The following ADAMTSL3 variants were observed in gnomAD, a reference collection of about 807,000 sequenced individuals.
ADAMTSL3 encodes the protein ADAMTS like 3, also known as ADAMTS-like protein 3.
In ADAMTSL3, 128 loss-of-function variants were observed where a neutral mutation model predicts 201.7. That is an observed-to-expected ratio of 0.63 (90% CI 0.55 to 0.73). ADAMTSL3 has a LOEUF of 0.73. Among genes scored for constraint, ADAMTSL3 ranks in the 30% least tolerant of loss-of-function variants. The pLI is 0.00. For synonymous variants in ADAMTSL3, 738 were observed against 748.4 expected (o/e 0.99, Z 0.23); for missense variants, 1,990 against 2,119.6 (o/e 0.94, Z 1.20).
At chr15:83,988,664 T>C in intron 21 of ADAMTSL3, 27 bp from the exon 22 acceptor site, 1 of 1,561,186 alleles carries the variant, frequency 6.4e-7, no homozygotes, top group Non-Finnish European at 8.7e-7. Context: ...GTTATATGAA[T>C]GTGTCGTCTT....
At chr15:83,912,643 T>C (rs1161714199) in intron 15 of ADAMTSL3, among the ~76,000 whole-genome samples, 3 of 152,194 alleles carry the variant, frequency 2.0e-5, no homozygotes, top group Non-Finnish European at 4.4e-5. Context: ...ACCCTAAAAT[T>C]TAGCTCCTAA....
chr15:83,900,353 G>A (rs911735042), intron 15 of ADAMTSL3, among the ~76,000 whole-genome samples: 1 of 152,216 alleles, frequency 6.6e-6, no homozygotes, highest in Non-Finnish European at 1.5e-5. Context: ...GATTGTAACA[G>A]TGCCAGTGGA....
chr15:83,766,817 G>A (rs1283934333), intron 3 of ADAMTSL3, among the ~76,000 whole-genome samples: 3 of 152,186 alleles, frequency 2.0e-5, no homozygotes, highest in African/African-American at 4.8e-5. Context: ...GATGATGGCT[G>A]GGCGTAGTGG....
At chr15:83,838,908 C>A (rs537711350) in intron 7 of ADAMTSL3, among the ~76,000 whole-genome samples, 1 of 152,322 alleles carries the variant, frequency 6.6e-6, no homozygotes, top group African/African-American at 2.4e-5. Context: ...GTCTCAACTA[C>A]TCAACACAGC....
intron 3 of ADAMTSL3, among the ~76,000 whole-genome samples, chr15:83,718,163 T>C (rs750954003): frequency 1.3e-5 from 2 of 152,152 alleles, no homozygotes; most frequent in East Asian, 1.9e-4. Flanking sequence ...ATAATAACAA[T>C]GAGCAAATGG....
chr15:83,967,183 A>G (rs2067105247), intron 19 of ADAMTSL3, among the ~76,000 whole-genome samples: 1 of 152,218 alleles, frequency 6.6e-6, no homozygotes, highest in African/African-American at 2.4e-5. Flanking sequence ...GGCCAGGGCA[A>G]CCAGGCAAGA....
intron 23 of ADAMTSL3, among the ~76,000 whole-genome samples, chr15:84,004,224 G>A (rs950460059): frequency 4.0e-5 from 6 of 151,898 alleles, no homozygotes; most frequent in African/African-American, 1.5e-4. Flanking sequence ...TTATTATTTT[G>A]GTTAATGTCA....
At position 83,782,848 on chromosome 15, in the gene ADAMTSL3, C is replaced by T. The variant is rs367711116; in HGVS notation, c.317+9198C>T. ...GGGAAAAGTTTACCTATATAACAAGCCTGCACATGTACCTCTGAACTTAAA... is the reference window on the plus strand; with the variant it reads ...GGGAAAAGTTTACCTATATAACAAGTCTGCACATGTACCTCTGAACTTAAA... On this transcript the variant is annotated intron_variant, in intron 4 of 29. Coordinates refer to ENST00000286744, the MANE Select transcript of ADAMTSL3 (RefSeq NM_207517.3). Among the ~76,000 whole-genome samples, 181 of 151,182 alleles carry T rather than the reference C, an allele frequency of 1.2e-3. 2 individuals are homozygous for T. Among genetic ancestry groups the T allele is most frequent in the African/African-American group, 4.1e-3 (170 of 41,200 alleles).
chr15:83,683,464 C>T (rs2061499572), intron 2 of ADAMTSL3, among the ~76,000 whole-genome samples: 1 of 152,206 alleles, frequency 6.6e-6, no homozygotes, highest in Non-Finnish European at 1.5e-5. Flanking sequence ...ATTATTTCTA[C>T]ACATGTCTTT....
intron 27 of ADAMTSL3, among the ~76,000 whole-genome samples, chr15:84,026,671 G>T (rs994690054): frequency 2.0e-5 from 3 of 152,076 alleles, no homozygotes; most frequent in Non-Finnish European, 4.4e-5. Context: ...TTTTGTATAA[G>T]GTTGAGAAAC....
At chr15:83,886,058 T>G (rs1026110948) in intron 10 of ADAMTSL3, among the ~76,000 whole-genome samples, 1 of 152,084 alleles carries the variant, frequency 6.6e-6, no homozygotes, top group Non-Finnish European at 1.5e-5. Context: ...TGAGGAAGGT[T>G]TGGGGACAAG....
Position 83,942,919 on chromosome 15 carries a change from G to A in ADAMTSL3, c.2327G>A (p.Gly776Asp). The A allele has an allele frequency of 6.3e-7, 1 of 1,599,822 alleles. No homozygotes were observed. The highest frequency in any genetic ancestry group is 1.1e-5 in the South Asian group (1 of 87,668). The change falls in exon 19 of 30, where the codon GGC becomes GAC. Residue 776 changes from glycine to aspartate, a missense_variant. Physicochemically the swap from Gly to Asp is moderately conservative, Grantham distance 94. Coordinates refer to ENST00000286744, the MANE Select transcript of ADAMTSL3 (RefSeq NM_207517.3). ...EEWQQCSRTC[G>D]GGTQNRRVTC... ...TCTTCTTAGTGTTCCAGGACTTGTG[G>A]CGGGGGAACTCAGAACAGAAGAGTC...
intron 7 of ADAMTSL3, among the ~76,000 whole-genome samples, chr15:83,841,591 A>C (rs2064374891): frequency 6.6e-6 from 1 of 152,170 alleles, no homozygotes; most frequent in Non-Finnish European, 1.5e-5. Context: ...GTACTCAGTA[A>C]ATGCTAGCTG....
intron 15 of ADAMTSL3, among the ~76,000 whole-genome samples, chr15:83,911,691 A>AT (rs891387524): frequency 6.6e-6 from 1 of 152,200 alleles, no homozygotes; most frequent in Non-Finnish European, 1.5e-5. Flanking sequence ...TAGTAATGGC[A>AT]TTTCATTCTG....
intron 11 of ADAMTSL3, 132 bp downstream of exon 11, chr15:83,890,379 C>A: frequency 8.7e-7 from 1 of 1,143,718 alleles, no homozygotes; most frequent in Non-Finnish European, 1.2e-6. Flanking sequence ...TGCCTACATT[C>A]ACATTTGTAA....
intron 3 of ADAMTSL3, among the ~76,000 whole-genome samples, chr15:83,760,775 G>A (rs1431201765): frequency 1.3e-5 from 2 of 152,034 alleles, no homozygotes; most frequent in Non-Finnish European, 2.9e-5. Flanking sequence ...TAATTAGTGT[G>A]ACTAAGCCAG....
chr15:83,885,972 C>T (rs547341434), intron 10 of ADAMTSL3, among the ~76,000 whole-genome samples: 135 of 152,262 alleles, frequency 8.9e-4, no homozygotes, highest in African/African-American at 3.0e-3. Context: ...GATCTACCTA[C>T]CTTGGTCTCC....
chr15:83,942,360 T>G (rs2066576726), intron 17 of ADAMTSL3, among the ~76,000 whole-genome samples: 1 of 152,234 alleles, frequency 6.6e-6, no homozygotes. Flanking sequence ...TGCTTTTTAC[T>G]CTGGACTTTC....
intron 13 of ADAMTSL3, among the ~76,000 whole-genome samples, chr15:83,894,982 C>T (rs2065583351): frequency 6.6e-6 from 1 of 152,090 alleles, no homozygotes; most frequent in African/African-American, 2.4e-5. Flanking sequence ...TCAGAATGAG[C>T]CATGTGTTCA....
Sources: gnomAD v4.1 joint callset for allele counts (sites outside exome capture counted in the v4.1 genomes callset) on GRCh38, gnomAD v4.1.1 for gene constraint, MANE v1.5 for transcripts, NCBI Gene and HGNC (gene_info 2026-07-23, HGNC 2026-07-21) for gene names.